The following CCL28 variants were observed in gnomAD, a reference collection of about 807,000 sequenced individuals.
CCL28 encodes C-C motif chemokine ligand 28.
Under a neutral mutation model 7.1 loss-of-function variants are expected in CCL28, and 4 were observed. The ratio of observed to expected loss-of-function variants is 0.56; its 90% confidence interval spans 0.28 to 1.29. The LOEUF (loss-of-function observed/expected upper bound fraction) is 1.29. Ranked by LOEUF, CCL28 falls within the 50% of genes most tolerant of loss-of-function variation. The probability of loss-of-function intolerance (pLI) is 0.11; values close to 1 mark genes in which losing one functional copy is unlikely to be tolerated. For synonymous variants in CCL28, 55 were observed against 57.8 expected (o/e 0.95, Z 0.22); for missense variants, 151 against 163.4 (o/e 0.92, Z 0.41).
intron 2 of CCL28, among the ~76,000 whole-genome samples, chr5:43,383,262 C>G (rs1740195974): frequency 6.6e-6 from 1 of 152,098 alleles, no homozygotes; most frequent in South Asian, 2.1e-4. Context: ...TCAGCTCTTA[C>G]CAAATGTCAC....
chr5:43,402,921 GC>G (rs1294554633), intron 1 of CCL28, among the ~76,000 whole-genome samples: 3 of 152,260 alleles, frequency 2.0e-5, no homozygotes, highest in Non-Finnish European at 2.9e-5. Flanking sequence ...TGCTAGCACA[GC>G]GGTCTGAGAT....
At chr5:43,390,167 G>T (rs1262960777) in intron 1 of CCL28, among the ~76,000 whole-genome samples, 1 of 152,158 alleles carries the variant, frequency 6.6e-6, no homozygotes, top group African/African-American at 2.4e-5. Flanking sequence ...AGAGGTTGTT[G>T]GGGAGGCAAG....
rs756916546 is a variant in CCL28 at position 43,412,246 on chromosome 5, C to T, written c.64+7G>A. 40 of 1,609,808 alleles carry T rather than the reference C, an allele frequency of 2.5e-5. No individual in the cohort carries two copies. The highest frequency in any genetic ancestry group is 3.1e-5 in the Non-Finnish European group (37 of 1,177,594). On this transcript the variant is annotated splice_region_variant and intron_variant, in intron 1 of 2. Transcript: ENST00000361115. ...TGAAGGCCTAAGTGTCCAGTGCCCC[C>T]ACTCACCTTCTGAGGCATGTAGGGC...
intron 1 of CCL28, among the ~76,000 whole-genome samples, chr5:43,402,106 A>C (rs923950836): frequency 2.6e-5 from 4 of 152,222 alleles, no homozygotes; most frequent in Non-Finnish European, 1.5e-5. Flanking sequence ...ATGTTCTGCC[A>C]GTACAGACAG....
the CCL28 span, among the ~76,000 whole-genome samples, chr5:43,358,042 A>G: frequency 6.6e-6 from 1 of 152,160 alleles, no homozygotes; most frequent in Non-Finnish European, 1.5e-5. Flanking sequence ...CTTCTGTTCT[A>G]TTAGTGACAG....
chr5:43,411,426 C>T (rs1434662769), intron 1 of CCL28, among the ~76,000 whole-genome samples: 5 of 152,196 alleles, frequency 3.3e-5, no homozygotes, highest in Non-Finnish European at 5.9e-5. Context: ...TAGCAACTCA[C>T]GATTTAAATT....
At chr5:43,403,619 G>C (rs1470698156) in intron 1 of CCL28, among the ~76,000 whole-genome samples, 1 of 152,176 alleles carries the variant, frequency 6.6e-6, no homozygotes, top group Non-Finnish European at 1.5e-5. Flanking sequence ...TCCTCCAAAG[G>C]AACGCAGCTC....
chr5:43,410,478 G>C lies in CCL28; in HGVS notation c.64+1775C>G, dbSNP rs117901512. On this transcript the variant is annotated intron_variant, in intron 1 of 2. Coordinates refer to ENST00000361115, the MANE Select transcript of CCL28 (RefSeq NM_148672.3). Reference sequence around the variant, plus strand: ...AGACTAACCCAAAAGGCTATTGCTGGGTCTCTCGGCTCCCTTCCTTATTAT... The same window carrying C: ...AGACTAACCCAAAAGGCTATTGCTGCGTCTCTCGGCTCCCTTCCTTATTAT... 7.4e-3 allele frequency among the ~76,000 whole-genome samples: 1,129 copies of C among 152,282 alleles called. 7 individuals carry two copies. Among genetic ancestry groups the C allele is most frequent in the South Asian group, 0.036 (172 of 4,830 alleles).
chr5:43,401,012 G>C (rs1469494788), intron 1 of CCL28, among the ~76,000 whole-genome samples: 1 of 151,842 alleles, frequency 6.6e-6, no homozygotes. Flanking sequence ...GAACCTGGGA[G>C]GCAGAGGTTG....
the CCL28 span, among the ~76,000 whole-genome samples, chr5:43,369,465 C>T: frequency 3.5e-4 from 53 of 152,076 alleles, 1 homozygote; most frequent in Admixed American, 3.4e-3. Context: ...CTCTCTGCTG[C>T]CCAGGTGGGA....
the CCL28 span, among the ~76,000 whole-genome samples, chr5:43,361,721 C>T: frequency 1.3e-5 from 2 of 152,108 alleles, no homozygotes; most frequent in African/African-American, 4.8e-5. Context: ...AGCCAGTTAT[C>T]CCAGCACTAT....
At position 43,393,374 on chromosome 5, in the gene CCL28, A is replaced by G. The variant is rs1740663094; in HGVS notation, c.65-4898T>C. ...TTTTTTTTTCTTTTCTTTTTTTCTG[A>G]GGCAGAGTATCACTCTGTTGCCCAG... On this transcript the variant is annotated intron_variant, in intron 1 of 2. Coordinates refer to ENST00000361115, the MANE Select transcript of CCL28 (RefSeq NM_148672.3). Among the ~76,000 whole-genome samples, 4 of 149,456 alleles carry G rather than the reference A, an allele frequency of 2.7e-5. No individual in the cohort carries two copies. The South Asian group carries it at 8.4e-4, about 31-fold the overall frequency.
At chr5:43,394,475 C>T (rs1288106728) in intron 1 of CCL28, among the ~76,000 whole-genome samples, 4 of 152,214 alleles carry the variant, frequency 2.6e-5, no homozygotes, top group Admixed American at 2.6e-4. Context: ...TTTCTTGGTC[C>T]TCCAAGATCT....
chr5:43,401,329 G>A (rs1405328841), intron 1 of CCL28, among the ~76,000 whole-genome samples: 1 of 152,154 alleles, frequency 6.6e-6, no homozygotes, highest in African/African-American at 2.4e-5. Flanking sequence ...ATGTTTGGGG[G>A]CATGGAGAGT....
At chr5:43,405,775 C>A (rs911006307) in intron 1 of CCL28, among the ~76,000 whole-genome samples, 2 of 151,878 alleles carry the variant, frequency 1.3e-5, no homozygotes, top group Non-Finnish European at 2.9e-5. Context: ...AGAAAAGAGA[C>A]AAGAATCAAA....
downstream of CCL28, among the ~76,000 whole-genome samples, chr5:43,374,608 C>T (rs981612295): frequency 3.3e-5 from 5 of 151,944 alleles, no homozygotes; most frequent in Admixed American, 2.0e-4. Flanking sequence ...TGGTGAAACC[C>T]CATCTCTACT....
At chr5:43,407,013 C>T (rs1450226222) in intron 1 of CCL28, among the ~76,000 whole-genome samples, 1 of 152,192 alleles carries the variant, frequency 6.6e-6, no homozygotes, top group Non-Finnish European at 1.5e-5. Flanking sequence ...AATGGAAGAA[C>T]ATTCCATGCT....
chr5:43,404,566 A>G (rs1741186857), intron 1 of CCL28, among the ~76,000 whole-genome samples: 1 of 152,246 alleles, frequency 6.6e-6, no homozygotes, highest in Non-Finnish European at 1.5e-5. Context: ...GCCAAATTGT[A>G]AAGACCATCG....
chr5:43,373,269 C>T (rs949222090), downstream of CCL28, among the ~76,000 whole-genome samples: 1 of 152,084 alleles, frequency 6.6e-6, no homozygotes, highest in African/African-American at 2.4e-5. Context: ...CATAAAAGTT[C>T]CAGTTGCTCC....
Sources: gnomAD v4.1 joint callset for allele counts (sites outside exome capture counted in the v4.1 genomes callset) on GRCh38, gnomAD v4.1.1 for gene constraint, MANE v1.5 for transcripts, NCBI Gene and HGNC (gene_info 2026-07-23, HGNC 2026-07-21) for gene names.